Variants in ZNF814 observed in about 807,000 individuals in gnomAD.
The protein encoded by ZNF814 is zinc finger protein 814.
ZNF814 carries 5 observed loss-of-function variants against 7.5 expected under a neutral mutation model. The observed-to-expected ratio is 0.67, with a 90% CI of 0.35 to 1.40. The LOEUF (loss-of-function observed/expected upper bound fraction) is 1.40, where lower values mean the gene tolerates loss of function less well. ZNF814 is among the 40% of genes most tolerant of loss of function. The probability of loss-of-function intolerance (pLI) is 0.04; values close to 1 mark genes in which losing one functional copy is unlikely to be tolerated. For missense variants in ZNF814, 962 were observed against 1,018.0 expected (o/e 0.94, Z 0.75); for synonymous variants, 315 against 340.7 (o/e 0.92, Z 0.83).
Position 57,874,002 on chromosome 19 carries a change from G to T in ZNF814, c.1388C>A (p.Pro463His). The T allele has an allele frequency of 6.2e-7, 1 of 1,613,618 alleles. No homozygotes were observed. The highest frequency in any genetic ancestry group is 8.5e-7 in the Non-Finnish European group (1 of 1,179,916). Residue 463 changes from proline (P) to histidine (H), a missense_variant, in exon 3 of 3, where the codon CCT becomes CAT. By Grantham distance (77) the Pro-to-His change is moderately conservative. Coordinates refer to ENST00000435989, the MANE Select transcript of ZNF814 (RefSeq NM_001144989.2). ...SHQRVHAGER[P>H]FKCGECVKSF... ...TTTCACACATTCTCCACACTTGAAAGGTCTTTCTCCGGCGTGAACTCGTTG... is the reference window on the plus strand; with the variant it reads ...TTTCACACATTCTCCACACTTGAAATGTCTTTCTCCGGCGTGAACTCGTTG...
chr19:57,897,836 A>G, the ZNF814 span, among the ~76,000 whole-genome samples: 3 of 152,192 alleles, frequency 2.0e-5, no homozygotes, highest in Non-Finnish European at 4.4e-5. Context: ...TGCCAGAGAG[A>G]TTCAACTAGT....
At chr19:57,891,524 C>CAA (rs557386723), upstream of ZNF814, among the ~76,000 whole-genome samples, 33 of 119,562 alleles carry the variant, frequency 2.8e-4, no homozygotes, top group Middle Eastern at 4.8e-3. Flanking sequence ...GACTCCGCCT[C>CAA]AAAAAAAAAA....
At chr19:57,894,305 G>T in the ZNF814 span, among the ~76,000 whole-genome samples, 15 of 147,290 alleles carry the variant, frequency 1.0e-4, no homozygotes, top group Non-Finnish European at 7.5e-5. Context: ...GGTGGGGGTT[G>T]CAGGGAGCTG....
Position 57,888,347 on chromosome 19 carries a change from CTG to C in ZNF814, c.36+418_36+419del, listed in dbSNP as rs557013842. Among the ~76,000 whole-genome samples the C allele has an allele frequency of 4.3e-4, 66 of 152,312 alleles. No homozygotes were observed. The East Asian group carries it at 0.011, about 26-fold the overall frequency. On this transcript the variant is annotated intron_variant, in intron 1 of 2. Transcript: ENST00000435989. ...TTGTTGACTCAAATATCACCTGACA[CTG>C]TGCAAAGACACAAACATGCATGGAC... is the stretch of plus-strand genomic sequence containing the variant.
chr19:57,889,127 G>C (rs1339234221), upstream of ZNF814: 4 of 431,688 alleles, frequency 9.3e-6, no homozygotes, highest in Non-Finnish European at 1.2e-5. Context: ...GGTCTTCTAC[G>C]CTATCATTCG....
rs2071542852 is a variant in ZNF814, at chr19:57,869,956, A to AG, written c.*2865_*2866insC. On this transcript the variant is annotated 3_prime_UTR_variant, in exon 3 of 3. Transcript: ENST00000435989. ...AGACTCTGTCTCAAAAAAAAAAAAA[A>AG]AAGGTTGGGCACGGTGGCTCATGCC... is the stretch of plus-strand genomic sequence containing the variant. 7.4e-6 allele frequency: 1 copy of AG among 135,094 alleles called. No homozygotes were observed. The highest frequency in any genetic ancestry group is 7.6e-5 in the Admixed American group (1 of 13,216). 8.4% of individuals were successfully genotyped at this position (135,094 alleles called of 1,614,324 possible).
At chr19:57,893,160 T>C (rs1396547923), upstream of ZNF814, among the ~76,000 whole-genome samples, 5 of 151,844 alleles carry the variant, frequency 3.3e-5, no homozygotes, top group Admixed American at 6.6e-5. Context: ...GAATTTCTTT[T>C]TTGTTATTGA....
chr19:57,872,795 C>G lies in ZNF814; in HGVS notation c.*27G>C, dbSNP rs781541818. On this transcript the variant is annotated 3_prime_UTR_variant, in exon 3 of 3. Transcript: ENST00000435989. The stretch of plus-strand genomic sequence containing the variant: ...GTGTGCAATGAGGTGGTCCTTCTTG[C>G]TAAAAACTTTCTGACAATCCTCACA... The G allele has an allele frequency of 1.9e-6, 3 of 1,606,430 alleles. No homozygotes were observed. In the South Asian group the frequency reaches 3.3e-5, roughly 18 times the overall value.
chr19:57,893,484 A>G (rs992771496), upstream of ZNF814, among the ~76,000 whole-genome samples: 2 of 151,512 alleles, frequency 1.3e-5, no homozygotes, highest in African/African-American at 4.8e-5. Context: ...AGAATTTCCT[A>G]CCAGTCAGTT....
intron 1 of ZNF814, among the ~76,000 whole-genome samples, chr19:57,884,039 G>T (rs2071670082): frequency 1.3e-5 from 2 of 152,150 alleles, no homozygotes; most frequent in African/African-American, 4.8e-5. Flanking sequence ...TTATAGGCGT[G>T]AGTCACCGAG....
chr19:57,894,369 A>AG, the ZNF814 span, among the ~76,000 whole-genome samples: 1 of 151,904 alleles, frequency 6.6e-6, no homozygotes, highest in Non-Finnish European at 1.5e-5. Flanking sequence ...CATCTCAAAA[A>AG]AAAAAAAAAG....
In ZNF814 at chr19:57,871,788, A is replaced by T. The variant is rs2071558810; in HGVS notation, c.*1034T>A. 2 of 146,096 alleles carry T rather than the reference A, an allele frequency of 1.4e-5. No homozygotes were observed. The highest frequency in any genetic ancestry group is 7.2e-5 in the Admixed American group (1 of 13,886). 9.0% of individuals were successfully genotyped at this position (146,096 alleles called of 1,614,324 possible). ...AAGCTACTCAACAAATCCTTCTGTG[A>T]CTCGATCAGAAATTAAAAGTTAAAA... On this transcript the variant is annotated 3_prime_UTR_variant, in exon 3 of 3. Coordinates refer to ENST00000435989, the MANE Select transcript of ZNF814 (RefSeq NM_001144989.2).
At chr19:57,886,666 C>G (rs1289953749) in intron 1 of ZNF814, among the ~76,000 whole-genome samples, 1 of 151,982 alleles carries the variant, frequency 6.6e-6, no homozygotes, top group African/African-American at 2.4e-5. Context: ...ATTGCCTGAG[C>G]TTGGGAGTTC....
At chr19:57,886,547 C>T (rs1168413373) in intron 1 of ZNF814, among the ~76,000 whole-genome samples, 1 of 151,860 alleles carries the variant, frequency 6.6e-6, no homozygotes, top group African/African-American at 2.4e-5. Flanking sequence ...TCACAGGGCA[C>T]TCTGCCATCA....
At position 57,875,153 on chromosome 19, in the gene ZNF814, G is replaced by C; in HGVS notation, c.237C>G (p.Val79=). 1 of 1,546,876 alleles carries C rather than the reference G, an allele frequency of 6.5e-7. No individual in the cohort carries two copies. Among genetic ancestry groups the C allele is most frequent in the Non-Finnish European group, 8.7e-7 (1 of 1,145,600 alleles). ...QSIYIQRETQ[V]RTPMAGVSPK... is the part of the protein sequence containing the mutation. ...GAGACACACCTGCCATAGGAGTCCT[G>C]ACCTGAGTCTCTCTTTGTATATAAA... Residue 79 remains valine (V), a synonymous_variant, in exon 3 of 3, where the codon GTC becomes GTG. Coordinates refer to ENST00000435989, the MANE Select transcript of ZNF814 (RefSeq NM_001144989.2).
intron 1 of ZNF814, among the ~76,000 whole-genome samples, chr19:57,886,938 A>G (rs1334346740): frequency 6.6e-6 from 1 of 152,084 alleles, no homozygotes. Flanking sequence ...CTGTAATCCT[A>G]GCAAGTTGGG....
intron 1 of ZNF814, among the ~76,000 whole-genome samples, chr19:57,887,467 T>C (rs2071702176): frequency 6.6e-6 from 1 of 152,198 alleles, no homozygotes; most frequent in Non-Finnish European, 1.5e-5. Context: ...TTTGCTCCTA[T>C]ATCTTTTTCC....
Position 57,872,182 on chromosome 19 carries a change from G to C in ZNF814, c.*640C>G, listed in dbSNP as rs1250413635. Among the ~76,000 whole-genome samples, 1 of 152,188 alleles carries C rather than the reference G, an allele frequency of 6.6e-6. No individual in the cohort carries two copies. The highest frequency in any genetic ancestry group is 2.4e-5 in the African/African-American group (1 of 41,454). Reference sequence around the variant, plus strand: ...CCACACACTTGGAACTTTTGCAGATGCTCAATAAATGACATTCAATCTAGG... The same window carrying C: ...CCACACACTTGGAACTTTTGCAGATCCTCAATAAATGACATTCAATCTAGG... On this transcript the variant is annotated 3_prime_UTR_variant, in exon 3 of 3. Coordinates refer to ENST00000435989, the MANE Select transcript of ZNF814 (RefSeq NM_001144989.2).
chr19:57,888,679 G>C, intron 1 of ZNF814, 88 bp downstream of exon 1: 2 of 1,501,100 alleles, frequency 1.3e-6, no homozygotes, highest in African/African-American at 2.8e-5. Context: ...CCGGCGTCCG[G>C]GCTGCAGAGC....
Sources: gnomAD v4.1 joint callset for allele counts (sites outside exome capture counted in the v4.1 genomes callset) on GRCh38, gnomAD v4.1.1 for gene constraint, MANE v1.5 for transcripts, NCBI Gene and HGNC (gene_info 2026-07-23, HGNC 2026-07-21) for gene names.